The following NUP88 variants were observed in gnomAD, a reference collection of about 807,000 sequenced individuals.
The protein encoded by NUP88 is nuclear pore complex protein Nup88.
In NUP88, 57 loss-of-function variants were observed where a neutral mutation model predicts 93.9. The ratio of observed to expected loss-of-function variants is 0.61; its 90% confidence interval spans 0.49 to 0.76. The LOEUF is 0.76. Ranked by LOEUF, NUP88 falls within the 30% of genes least tolerant of loss-of-function variation. The pLI is 0.00. For synonymous variants in NUP88, 346 were observed against 336.8 expected (o/e 1.03, Z -0.30); for missense variants, 911 against 901.0 (o/e 1.01, Z -0.14).
At chr17:5,415,183 CTTAT>C (rs888612892) in intron 2 of NUP88, among the ~76,000 whole-genome samples, 103 of 150,808 alleles carry the variant, frequency 6.8e-4, no homozygotes, top group Non-Finnish European at 1.2e-3. Flanking sequence ...CCACACCCCA[CTTAT>C]TTTTTGTATT....
Position 5,385,847 on chromosome 17 carries a change from A to AT in NUP88, c.*358dup, listed in dbSNP as rs1567561857. On this transcript the variant is annotated 3_prime_UTR_variant, in exon 17 of 17. Coordinates refer to ENST00000573584, the MANE Select transcript of NUP88 (RefSeq NM_002532.6). The stretch of plus-strand genomic sequence containing the variant: ...CTTCTCCTTTGAATCCTAGGGTTCT[A>AT]TCCCTCTTCAGAGTCATGTTTCTGG... The AT allele has an allele frequency of 3.8e-6, 1 of 266,062 alleles. No individual in the cohort carries two copies. Among genetic ancestry groups the AT allele is most frequent in the African/African-American group, 2.2e-5 (1 of 46,180 alleles). The allele number at this position is 266,062 out of a possible 1,614,324, so 16.5% of individuals were successfully genotyped here. A position where few individuals can be genotyped will look rare whatever the true frequency, so the allele number is the denominator to read the frequency against.
Position 5,419,583 on chromosome 17 carries a change from A to C in NUP88, c.68T>G (p.Val23Gly). 2 of 1,608,284 alleles carry C rather than the reference A, an allele frequency of 1.2e-6. No homozygotes were observed. The highest frequency in any genetic ancestry group is 1.7e-6 in the Non-Finnish European group (2 of 1,176,154). Residue 23 changes from valine (V) to glycine (G), a missense_variant, in exon 1 of 17, where the codon GTG becomes GGG. Val to Gly is a moderately radical substitution (Grantham distance 109, BLOSUM62 -3). Coordinates refer to ENST00000573584, the MANE Select transcript of NUP88 (RefSeq NM_002532.6). The part of the protein sequence containing the change: ...LWQTWLPNHV[V>G]FLRLREGLKN... Reference sequence around the variant, plus strand: ...CAGTCCCTCCCGGAGCCGCAAGAACACGACGTGGTTAGGAAGCCAGGTCTG... The same window carrying C: ...CAGTCCCTCCCGGAGCCGCAAGAACCCGACGTGGTTAGGAAGCCAGGTCTG...
At chr17:5,391,404 G>A in intron 10 of NUP88, 157 bp downstream of exon 10, 3 of 609,052 alleles carry the variant, frequency 4.9e-6, no homozygotes, top group Non-Finnish European at 8.8e-6. Flanking sequence ...TAGAGATGAT[G>A]GCAGGAACAG....
intron 2 of NUP88, 133 bp from the exon 3 acceptor site, chr17:5,414,267 C>T (rs1040219541): frequency 9.1e-6 from 6 of 659,444 alleles, no homozygotes; most frequent in African/African-American, 5.5e-5. Flanking sequence ...ACAATCTCGG[C>T]TCACTGCAAC....
intron 6 of NUP88, 147 bp downstream of exon 6, chr17:5,404,910 C>T: frequency 1.4e-6 from 1 of 735,860 alleles, no homozygotes; most frequent in Non-Finnish European, 2.2e-6. Context: ...AAGTGTGCTT[C>T]AGCTACTTTT....
At chr17:5,393,669 C>T (rs550340280) in intron 9 of NUP88, among the ~76,000 whole-genome samples, 15 of 152,066 alleles carry the variant, frequency 9.9e-5, no homozygotes, top group Non-Finnish European at 1.8e-4. Context: ...CACTCCTGAC[C>T]GTGTGATCCA....
At chr17:5,399,190 C>CTTTTTT (rs536801907) in intron 8 of NUP88, among the ~76,000 whole-genome samples, 176 of 123,460 alleles carry the variant, frequency 1.4e-3, no homozygotes, top group Non-Finnish European at 2.3e-3. Context: ...CGCACCCGGC[C>CTTTTTT]TTTTTTTTTT....
Position 5,386,009 on chromosome 17 carries a change from T to A in NUP88, c.*197A>T, listed in dbSNP as rs1024013862. On this transcript the variant is annotated 3_prime_UTR_variant, in exon 17 of 17. Coordinates refer to ENST00000573584, the MANE Select transcript of NUP88 (RefSeq NM_002532.6). ...GTCCTTGCTGAACACAACTGTAGGC[T>A]TGAGTTATAAAGCACATTCCAAATT... The A allele has an allele frequency of 1.9e-6, 1 of 529,808 alleles. No individual in the cohort carries two copies. The highest frequency in any genetic ancestry group is 3.3e-6 in the Non-Finnish European group (1 of 303,662). The allele number at this position is 529,808 out of a possible 1,614,324, so 32.8% of individuals were successfully genotyped here.
chr17:5,389,084 C>T (rs1912244615), intron 10 of NUP88, 124 bp from the exon 11 acceptor site: 2 of 698,696 alleles, frequency 2.9e-6, no homozygotes, highest in African/African-American at 3.7e-5. Flanking sequence ...TGTAAAAGTG[C>T]AAGAATGCAT....
At position 5,386,140 on chromosome 17, in the gene NUP88, G is replaced by C. The variant is rs1911943357; in HGVS notation, c.*66C>G. 1.6e-6 allele frequency: 2 copies of C among 1,216,646 alleles called. No individual in the cohort carries two copies. The highest frequency in any genetic ancestry group is 1.4e-5 in the South Asian group (1 of 72,396). The allele number at this position is 1,216,646 out of a possible 1,614,324, so 75.4% of individuals were successfully genotyped here. ...TTTTATAAATTAGATAATTCTACCTGTTTTACAATATGGGTTTAAGCCTTC... is the reference window on the plus strand; with the variant it reads ...TTTTATAAATTAGATAATTCTACCTCTTTTACAATATGGGTTTAAGCCTTC... On this transcript the variant is annotated 3_prime_UTR_variant, in exon 17 of 17. Coordinates refer to ENST00000573584, the MANE Select transcript of NUP88 (RefSeq NM_002532.6).
At chr17:5,388,772 C>A (rs368034330) in intron 11 of NUP88, 30 bp downstream of exon 11, 1 of 1,594,422 alleles carries the variant, frequency 6.3e-7, no homozygotes, top group Non-Finnish European at 8.6e-7. Flanking sequence ...AGAACCCATT[C>A]ATAAAACCGC....
Position 5,386,842 on chromosome 17 carries a change from AAT to A in NUP88, c.2044-18_2044-17del. On this transcript the variant is annotated splice_polypyrimidine_tract_variant and intron_variant, in intron 15 of 16. Transcript: ENST00000573584. ...TCATAGTAACCTTAAGTATTAAAAT[AAT>A]AGATATTTTGGCAGTGGTTTGCCAC... The A allele has an allele frequency of 6.3e-7, 1 of 1,595,444 alleles. No homozygotes were observed. Among genetic ancestry groups the A allele is most frequent in the Non-Finnish European group, 8.6e-7 (1 of 1,163,472 alleles).
In NUP88 at chr17:5,413,995, GAAAT is replaced by G; in HGVS notation, c.593+10_593+13del. ...CCCACTCGCAAGGCTTCAAGAGAGA[GAAAT>G]AAAATTTACCTGATTACGTTGTCTG... On this transcript the variant is annotated intron_variant, in intron 3 of 16. Coordinates refer to ENST00000573584, the MANE Select transcript of NUP88 (RefSeq NM_002532.6). 2 of 1,612,644 alleles carry G rather than the reference GAAAT, an allele frequency of 1.2e-6. No individual in the cohort carries two copies. Among genetic ancestry groups the G allele is most frequent in the Non-Finnish European group, 1.7e-6 (2 of 1,179,014 alleles).
At chr17:5,416,180 T>TATACACACACACACAC in intron 2 of NUP88, among the ~76,000 whole-genome samples, 1 of 107,338 alleles carries the variant, frequency 9.3e-6, no homozygotes, top group Middle Eastern at 4.3e-3. Context: ...TATATATATA[T>TATACACACACACACAC]ACACACATAC....
intron 3 of NUP88, among the ~76,000 whole-genome samples, chr17:5,411,591 A>T (rs996092733): frequency 1.7e-4 from 26 of 152,046 alleles, no homozygotes; most frequent in African/African-American, 6.0e-4. Flanking sequence ...AAAAAAAAAA[A>T]AAAAAACCAA....
intron 9 of NUP88, 87 bp from the exon 10 acceptor site, chr17:5,391,749 A>G (rs1912451432): frequency 1.8e-6 from 2 of 1,084,842 alleles, no homozygotes; most frequent in African/African-American, 3.1e-5. Context: ...CGGCCTTCTC[A>G]GGCCTGGGCT....
rs1428894228 is a variant in NUP88 at position 5,385,617 on chromosome 17, T to A, written c.*589A>T. Reference sequence around the variant, plus strand: ...CTCATGTCCACTCAGTAACAAGTATTGGGACGTAGAGCACAGCCTCACTCA... The same window carrying A: ...CTCATGTCCACTCAGTAACAAGTATAGGGACGTAGAGCACAGCCTCACTCA... On this transcript the variant is annotated 3_prime_UTR_variant, in exon 17 of 17. Coordinates refer to ENST00000573584, the MANE Select transcript of NUP88 (RefSeq NM_002532.6). 1 of 230,964 alleles carries A rather than the reference T, an allele frequency of 4.3e-6. No individual in the cohort carries two copies. Among genetic ancestry groups the A allele is most frequent in the Non-Finnish European group, 8.6e-6 (1 of 116,744 alleles). 14.3% of individuals were successfully genotyped at this position (230,964 alleles called of 1,614,324 possible).
At chr17:5,404,344 T>C in intron 6 of NUP88, 98 bp from the exon 7 acceptor site, 2 of 1,222,114 alleles carry the variant, frequency 1.6e-6, no homozygotes, top group Non-Finnish European at 2.3e-6. Context: ...CGGGTGCGGC[T>C]GTTCTTGCCT....
intron 10 of NUP88, 198 bp downstream of exon 10, chr17:5,391,363 T>A (rs1269679964): frequency 3.8e-6 from 2 of 525,662 alleles, no homozygotes; most frequent in African/African-American, 3.8e-5. Flanking sequence ...GTGCAGGGGA[T>A]GCCAGAAACT....
Sources: allele counts gnomAD v4.1 joint callset (sites outside exome capture counted in the v4.1 genomes callset), GRCh38; gene constraint gnomAD v4.1.1; transcripts MANE v1.5; gene names NCBI Gene and HGNC (gene_info 2026-07-23, HGNC 2026-07-21).